Variants in TSPAN14 observed in about 807,000 individuals in gnomAD.
TSPAN14 encodes the protein tetraspanin 14.
Under a neutral mutation model 36.6 loss-of-function variants are expected in TSPAN14, and 16 were observed. That is an observed-to-expected ratio of 0.44 (90% CI 0.30 to 0.66). The LOEUF is 0.66. Ranked by LOEUF, TSPAN14 falls within the 30% of genes least tolerant of loss-of-function variation. TSPAN14 has a pLI of 0.12. For synonymous variants in TSPAN14, 139 were observed against 143.8 expected (o/e 0.97, Z 0.24); for missense variants, 231 against 355.1 (o/e 0.65, Z 2.81).
intron 3 of TSPAN14, among the ~76,000 whole-genome samples, chr10:80,506,777 C>T (rs1479433412): frequency 1.3e-5 from 2 of 152,216 alleles, no homozygotes; most frequent in Admixed American, 1.3e-4. Flanking sequence ...TTTGGCCTGC[C>T]CTTGGGCGTG....
chr10:80,457,625 A>T (rs1457440843), intron 1 of TSPAN14, among the ~76,000 whole-genome samples: 1 of 152,310 alleles, frequency 6.6e-6, no homozygotes, highest in East Asian at 1.9e-4. Context: ...CCTGCCTCTG[A>T]ACACATCTCA....
intron 2 of TSPAN14, 138 bp downstream of exon 2, chr10:80,489,452 C>T (rs1847805979): frequency 1.5e-6 from 1 of 676,170 alleles, no homozygotes; most frequent in South Asian, 1.7e-5. Context: ...GACCCCTACC[C>T]TCACAGAACC....
At chr10:80,522,480 C>A (rs924737918) in exon 9 of TSPAN14, 2 of 152,038 alleles carry the variant, frequency 1.3e-5, no homozygotes, top group African/African-American at 4.8e-5. Context: ...CACTGCGCTC[C>A]GGCCTGGGTG....
Position 80,515,986 on chromosome 10 carries a change from A to C in TSPAN14, c.622-218A>C, listed in dbSNP as rs1268889190. On this transcript the variant is annotated intron_variant, in intron 7 of 8. Transcript: ENST00000429989. ...GAGACCTGAAAGGAAACAGCCAGGG[A>C]GCCTTTGGTCAGACAGGTGGTGCGA... 3 of 588,276 alleles carry C rather than the reference A, an allele frequency of 5.1e-6. No individual in the cohort carries two copies. The Admixed American group carries it at 9.3e-5, about 18-fold the overall frequency. The allele number at this position is 588,276 out of a possible 1,614,324, so 36.4% of individuals were successfully genotyped here.
intron 2 of TSPAN14, among the ~76,000 whole-genome samples, chr10:80,502,211 C>G (rs1199116108): frequency 1.3e-5 from 2 of 152,062 alleles, no homozygotes; most frequent in African/African-American, 4.8e-5. Flanking sequence ...TCAGGGTGGC[C>G]CAGGGAGTGG....
intron 4 of TSPAN14, 108 bp downstream of exon 4, chr10:80,507,482 T>TC (rs1233364647): frequency 1.3e-5 from 19 of 1,481,626 alleles, no homozygotes; most frequent in Non-Finnish European, 1.7e-5. Context: ...CTTAGGAGCC[T>TC]CCCCTAGGCC....
chr10:80,478,066 G>T (rs1427067448), intron 1 of TSPAN14, among the ~76,000 whole-genome samples: 2 of 152,064 alleles, frequency 1.3e-5, no homozygotes, highest in African/African-American at 4.8e-5. Context: ...TTACTAGATG[G>T]CTAAAGAAAG....
At chr10:80,459,836 C>T (rs75113591) in intron 1 of TSPAN14, among the ~76,000 whole-genome samples, 1,718 of 152,240 alleles carry the variant, frequency 0.011, 37 homozygotes, top group African/African-American at 0.039. Context: ...GGACTCTCAG[C>T]AGTAGGAGTG....
chr10:80,511,899 C>T (rs1378137256), intron 5 of TSPAN14, among the ~76,000 whole-genome samples: 1 of 151,914 alleles, frequency 6.6e-6, no homozygotes, highest in Non-Finnish European at 1.5e-5. Flanking sequence ...CATCTTCCCA[C>T]CTCAACCTCC....
intron 1 of TSPAN14, among the ~76,000 whole-genome samples, chr10:80,471,557 A>T (rs1379134023): frequency 6.6e-6 from 1 of 152,168 alleles, no homozygotes; most frequent in Non-Finnish European, 1.5e-5. Context: ...TTTCATGTAG[A>T]CTTAGATTTT....
chr10:80,460,634 A>T (rs1400206186), intron 1 of TSPAN14, among the ~76,000 whole-genome samples: 1 of 151,998 alleles, frequency 6.6e-6, no homozygotes, highest in Non-Finnish European at 1.5e-5. Flanking sequence ...CCCTTCTTGT[A>T]AGTGTCACTC....
chr10:80,463,507 C>T (rs1246417651), intron 1 of TSPAN14, among the ~76,000 whole-genome samples: 1 of 152,196 alleles, frequency 6.6e-6, no homozygotes, highest in Non-Finnish European at 1.5e-5. Context: ...CTGTTTTGCA[C>T]TTCCTGATTT....
intron 8 of TSPAN14, among the ~76,000 whole-genome samples, chr10:80,516,627 C>T (rs1002464130): frequency 2.6e-5 from 4 of 152,184 alleles, no homozygotes; most frequent in African/African-American, 9.6e-5. Context: ...CAATGGGCTG[C>T]AGAAGGGTCA....
chr10:80,473,546 CTG>C (rs1373992666), intron 1 of TSPAN14, among the ~76,000 whole-genome samples: 1 of 152,094 alleles, frequency 6.6e-6, no homozygotes, highest in Non-Finnish European at 1.5e-5. Context: ...CTTCCCCACA[CTG>C]TGCCAGGGCA....
chr10:80,514,342 G>A (rs1209242397), intron 7 of TSPAN14, among the ~76,000 whole-genome samples: 1 of 152,184 alleles, frequency 6.6e-6, no homozygotes, highest in African/African-American at 2.4e-5. Context: ...GAAGTTTTGA[G>A]GGACAAAGAC....
At chr10:80,471,536 G>T (rs879472795) in intron 1 of TSPAN14, among the ~76,000 whole-genome samples, 4 of 152,252 alleles carry the variant, frequency 2.6e-5, no homozygotes, top group African/African-American at 4.8e-5. Flanking sequence ...AAAGGATTCT[G>T]TGTATAGACA....
chr10:80,514,107 T>G (rs966763331), intron 7 of TSPAN14, 44 bp downstream of exon 7: 2 of 1,557,778 alleles, frequency 1.3e-6, no homozygotes, highest in Non-Finnish European at 1.8e-6. Context: ...CTTTAGGTTT[T>G]ATTCCCTGTG....
At chr10:80,487,136 G>T (rs1370687158) in intron 1 of TSPAN14, among the ~76,000 whole-genome samples, 2 of 152,218 alleles carry the variant, frequency 1.3e-5, no homozygotes, top group African/African-American at 4.8e-5. Context: ...GTGAATGCTA[G>T]TTATAGCTAC....
chr10:80,520,396 C>T (rs1007129685), exon 9 of TSPAN14: 15 of 402,748 alleles, frequency 3.7e-5, no homozygotes, highest in South Asian at 5.8e-5. Flanking sequence ...TGGCAGTCTC[C>T]GCCCAGCATC....
Sources: gnomAD v4.1 joint callset for allele counts (sites outside exome capture counted in the v4.1 genomes callset) on GRCh38, gnomAD v4.1.1 for gene constraint, MANE v1.5 for transcripts, NCBI Gene and HGNC (gene_info 2026-07-23, HGNC 2026-07-21) for gene names.